SLC9A1: variants seen among roughly 807,000 people sequenced by gnomAD.
SLC9A1 encodes sodium/hydrogen exchanger 1.
In SLC9A1, 22 loss-of-function variants were observed where a neutral mutation model predicts 67.9. That is an observed-to-expected ratio of 0.32 (90% CI 0.23 to 0.46). The LOEUF (loss-of-function observed/expected upper bound fraction) is 0.46. SLC9A1 is among the 20% of genes least tolerant of loss of function. SLC9A1 has a pLI of 1.00. For synonymous variants in SLC9A1, 421 were observed against 471.8 expected, an observed-to-expected ratio of 0.89 and a Z score of 1.40; for missense variants, 686 against 1,094.8, an observed-to-expected ratio of 0.63 and a Z score of 5.27.
At chr1:27,152,321 G>T (rs2083534930) in intron 1 of SLC9A1, among the ~76,000 whole-genome samples, 1 of 152,178 alleles carries the variant, frequency 6.6e-6, no homozygotes. Context: ...AAGTGTGTCT[G>T]CCAGCCCTGA....
chr1:27,117,250 C>T (rs1181032123), intron 1 of SLC9A1, among the ~76,000 whole-genome samples: 1 of 152,196 alleles, frequency 6.6e-6, no homozygotes, highest in Non-Finnish European at 1.5e-5. Context: ...AGAGCTCCTA[C>T]AGGCAGGGGC....
intron 1 of SLC9A1, among the ~76,000 whole-genome samples, chr1:27,150,720 A>G (rs2083520685): frequency 1.3e-5 from 2 of 152,190 alleles, no homozygotes; most frequent in Admixed American, 6.5e-5. Flanking sequence ...ACTGAGTCAG[A>G]GGTAGACTAG....
rs759912891 is a variant in SLC9A1, at chr1:27,101,609, A to G, written c.2037+116T>C. The stretch of plus-strand genomic sequence containing the variant: ...TGGCTCTCCATGCCCTTACACTGCT[A>G]AAAGCCCCTCGAAAGCCAAACCCTG... On this transcript the variant is annotated intron_variant, in intron 10 of 11. Transcript: ENST00000263980. This position sits in a 1 kb window ranked among gnomAD's most constrained non-coding sequence, Gnocchi z 4.9. The G allele has an allele frequency of 5.7e-5, 43 of 754,026 alleles. No homozygotes were observed. The highest frequency in any genetic ancestry group is 9.0e-5 in the Non-Finnish European group (40 of 443,108). The allele number at this position is 754,026 out of a possible 1,614,324, so 46.7% of individuals were successfully genotyped here.
intron 1 of SLC9A1, among the ~76,000 whole-genome samples, chr1:27,148,359 C>G (rs1180450686): frequency 6.6e-6 from 1 of 152,136 alleles, no homozygotes; most frequent in Admixed American, 6.5e-5. Flanking sequence ...CCAGACCACC[C>G]AGACCCTTTA....
At position 27,151,627 on chromosome 1, in the gene SLC9A1, G is replaced by A. The variant is rs186835207; in HGVS notation, c.352+2356C>T. ...ATCCACCCTGCCTCAGCCTCCCAAA[G>A]TGCTGGGATTACAGGCGTGAGCCAC... On this transcript the variant is annotated intron_variant, in intron 1 of 11. Coordinates refer to ENST00000263980, the MANE Select transcript of SLC9A1 (RefSeq NM_003047.5). 2.2e-3 allele frequency among the ~76,000 whole-genome samples: 330 copies of A among 152,260 alleles called. 2 individuals are homozygous for A. Among genetic ancestry groups the A allele is most frequent in the Middle Eastern group, 6.8e-3 (2 of 294 alleles).
intron 1 of SLC9A1, among the ~76,000 whole-genome samples, chr1:27,117,515 G>A (rs2083279523): frequency 6.6e-6 from 1 of 152,132 alleles, no homozygotes; most frequent in East Asian, 1.9e-4. Context: ...CCCATAAATC[G>A]CCAGACAGTG....
At chr1:27,122,474 T>C (rs2083310558) in intron 1 of SLC9A1, among the ~76,000 whole-genome samples, 2 of 151,706 alleles carry the variant, frequency 1.3e-5, no homozygotes, top group Non-Finnish European at 2.9e-5. Flanking sequence ...GAAATGAGAG[T>C]GAACAGTGCA....
At chr1:27,134,233 T>C (rs560634856) in intron 1 of SLC9A1, among the ~76,000 whole-genome samples, 2 of 152,198 alleles carry the variant, frequency 1.3e-5, no homozygotes, top group Admixed American at 6.5e-5. Context: ...CAGAAACCCT[T>C]GGTTCAGTTT....
chr1:27,120,677 G>T (rs1413426085), intron 1 of SLC9A1, among the ~76,000 whole-genome samples: 1 of 151,912 alleles, frequency 6.6e-6, no homozygotes, highest in Non-Finnish European at 1.5e-5. Flanking sequence ...GGCAGAGGTT[G>T]CAGTGAGCCG....
chr1:27,105,898 G>A lies in SLC9A1; in HGVS notation c.1472C>T (p.Thr491Ile). The change falls in exon 5 of 12, where the codon ACC (threonine) becomes ATC (isoleucine). Residue 491 changes from threonine to isoleucine, a missense_variant. By Grantham distance (89) the Thr-to-Ile change is moderately conservative. Coordinates refer to ENST00000263980, the MANE Select transcript of SLC9A1 (RefSeq NM_003047.5). ...CTGGCCCAGCACCTGCACAAAGACG[G>A]TGAAGAAGATGACAGTGATGATGGC... ...LTAIITVIFF[T>I]VFVQGMTIRP... 1 of 1,613,420 alleles carries A rather than the reference G, an allele frequency of 6.2e-7. No individual in the cohort carries two copies. Among genetic ancestry groups the A allele is most frequent in the Non-Finnish European group, 8.5e-7 (1 of 1,179,994 alleles).
In SLC9A1 at chr1:27,099,377, G is replaced by C. The variant is rs925136953; in HGVS notation, c.*930C>G. On this transcript the variant is annotated 3_prime_UTR_variant, in exon 12 of 12. Transcript: ENST00000263980. ...AGTTACTTCTGATGTCACAGTCTTC[G>C]AGCAACAGTTAAGAGCCCAGCAGGC... is the stretch of plus-strand genomic sequence containing the variant. 6.5e-6 allele frequency: 1 copy of C among 152,844 alleles called. No homozygotes were observed. The highest frequency in any genetic ancestry group is 2.4e-5 in the African/African-American group (1 of 41,436). 9.5% of individuals were successfully genotyped at this position (152,844 alleles called of 1,614,324 possible).
At chr1:27,111,067 G>T (rs1455327880) in intron 2 of SLC9A1, among the ~76,000 whole-genome samples, 1 of 152,198 alleles carries the variant, frequency 6.6e-6, no homozygotes, top group Non-Finnish European at 1.5e-5. Flanking sequence ...GCTCCAGAAA[G>T]ACCTGACTTG....
intron 1 of SLC9A1, among the ~76,000 whole-genome samples, chr1:27,141,453 C>T (rs1294567535): frequency 1.3e-5 from 2 of 152,190 alleles, no homozygotes; most frequent in Non-Finnish European, 2.9e-5. Context: ...AGTATCTCAT[C>T]TAAATCCTAC....
chr1:27,127,645 C>T (rs2083354712), intron 1 of SLC9A1, among the ~76,000 whole-genome samples: 2 of 152,168 alleles, frequency 1.3e-5, no homozygotes. Flanking sequence ...GAAATTCTGC[C>T]ACTTCAGGGA....
Position 27,100,557 on chromosome 1 carries a change from A to C in SLC9A1, c.2198T>G (p.Val733Gly). 1.2e-6 allele frequency: 2 copies of C among 1,613,878 alleles called. No individual in the cohort carries two copies. ...GACTTTGCCCTTCAGCTCTTCATTC[A>C]CCAGGTCCACAGACTCGGGTGACTG... ...SPQSPESVDL[V>G]NEELKGKVLG... The change falls in exon 12 of 12, where the codon GTG (valine) becomes GGG (glycine). Residue 733 changes from valine (V) to glycine (G), a missense_variant. Val to Gly is a moderately radical substitution (Grantham distance 109, BLOSUM62 -3). This residue lies in a region of SLC9A1 where 226 missense variants were observed against 282.4 expected (regional missense o/e 0.80). Coordinates refer to ENST00000263980, the MANE Select transcript of SLC9A1 (RefSeq NM_003047.5). The surrounding 1 kb of genome is among the most constrained non-coding windows in gnomAD (Gnocchi z 5.6).
chr1:27,126,796 C>T (rs2083347135), intron 1 of SLC9A1, among the ~76,000 whole-genome samples: 1 of 152,116 alleles, frequency 6.6e-6, no homozygotes, highest in Non-Finnish European at 1.5e-5. Flanking sequence ...TTTTTTCCTT[C>T]CCTTTTGTGT....
At position 27,100,031 on chromosome 1, in the gene SLC9A1, C is replaced by A. The variant is rs1486298099; in HGVS notation, c.*276G>T. The A allele has an allele frequency of 5.0e-6, 2 of 402,006 alleles. No homozygotes were observed. The highest frequency in any genetic ancestry group is 8.8e-6 in the Non-Finnish European group (2 of 226,338). 24.9% of individuals were successfully genotyped at this position (402,006 alleles called of 1,614,324 possible). ...AGCCTCCGAGGCCCTAGTCCAGGTC[C>A]GGGAGAAGCCTGGATCTAGGGAGGG... On this transcript the variant is annotated 3_prime_UTR_variant, in exon 12 of 12. Transcript: ENST00000263980. This position sits in a 1 kb window ranked among gnomAD's most constrained non-coding sequence, Gnocchi z 5.6.
chr1:27,150,741 C>G (rs888798879), intron 1 of SLC9A1, among the ~76,000 whole-genome samples: 1 of 152,144 alleles, frequency 6.6e-6, no homozygotes, highest in African/African-American at 2.4e-5. Context: ...AACCCAGAAG[C>G]AACTATTCTA....
At chr1:27,135,258 G>T (rs1474755531) in intron 1 of SLC9A1, among the ~76,000 whole-genome samples, 4 of 151,424 alleles carry the variant, frequency 2.6e-5, no homozygotes, top group Non-Finnish European at 5.9e-5. Flanking sequence ...TCCCTAGGTT[G>T]CCCAGGCTGG....
Sources: allele counts gnomAD v4.1 joint callset (sites outside exome capture counted in the v4.1 genomes callset), GRCh38; gene constraint gnomAD v4.1.1; regional missense constraint gnomAD v4.1.1; non-coding constraint Gnocchi (gnomAD v3.1); transcripts MANE v1.5; gene names NCBI Gene and HGNC (gene_info 2026-07-23, HGNC 2026-07-21).